Variants in EDC4 observed in about 807,000 individuals in gnomAD.
EDC4 encodes enhancer of mRNA decapping 4.
A neutral mutation model predicts 155.8 loss-of-function variants in EDC4; 64 were observed. The ratio of observed to expected loss-of-function variants is 0.41; its 90% confidence interval spans 0.34 to 0.51. The LOEUF (loss-of-function observed/expected upper bound fraction) is 0.51. Ranked by LOEUF, EDC4 falls within the 20% of genes least tolerant of loss-of-function variation. The probability of loss-of-function intolerance (pLI) is 0.19; values close to 1 mark genes in which losing one functional copy is unlikely to be tolerated. For missense variants in EDC4, 1,303 were observed against 1,812.5 expected (o/e 0.72, Z 5.10); for synonymous variants, 684 against 716.8 (o/e 0.95, Z 0.73).
In EDC4 at chr16:67,882,246, A is replaced by G. The variant is rs1194061202; in HGVS notation, c.3195A>G (p.Gln1065=). The change falls in exon 24 of 29, where the codon CAA becomes CAG. Residue 1065 remains glutamine, a synonymous_variant. Transcript: ENST00000358933. This position sits in a 1 kb window ranked among gnomAD's most constrained non-coding sequence, Gnocchi z 7.2. ...GGAGTCTGGAGCCTATGGCAGGCCA[A>G]CTGAGCAACTCAGTGGCTACCAAGC... is the stretch of plus-strand genomic sequence containing the variant. ...VSRSLEPMAG[Q]LSNSVATKLT... is the part of the protein sequence containing the mutation. 5.0e-6 allele frequency: 8 copies of G among 1,613,694 alleles called. No homozygotes were observed. Among genetic ancestry groups the G allele is most frequent in the Middle Eastern group, 1.6e-4 (1 of 6,062 alleles).
intron 1 of EDC4, among the ~76,000 whole-genome samples, chr16:67,873,845 C>T (rs1293422944): frequency 6.6e-6 from 1 of 152,138 alleles, no homozygotes; most frequent in Non-Finnish European, 1.5e-5. Context: ...GTCTCAATTC[C>T]GTGTTCTTTC....
Position 67,883,251 on chromosome 16 carries a change from A to G in EDC4, c.3849+74A>G. 6.7e-7 allele frequency: 1 copy of G among 1,483,206 alleles called. No homozygotes were observed. Among genetic ancestry groups the G allele is most frequent in the South Asian group, 1.3e-5 (1 of 75,936 alleles). 91.9% of individuals were successfully genotyped at this position (1,483,206 alleles called of 1,614,324 possible). A position where few individuals can be genotyped will look rare whatever the true frequency, so the allele number is the denominator to read the frequency against. On this transcript the variant is annotated intron_variant, in intron 27 of 28. Coordinates refer to ENST00000358933, the MANE Select transcript of EDC4 (RefSeq NM_014329.5). This position sits in a 1 kb window ranked among gnomAD's most constrained non-coding sequence, Gnocchi z 5.3. ...GCCCACATACCATACATTCTACTCC[A>G]CCCACCACCTTTGCACCTTCTGGCC...
Position 67,881,135 on chromosome 16 carries a change from A to T in EDC4, c.2591A>T (p.His864Leu). Reference sequence around the variant, plus strand: ...CTGGCCTTCCACCGACCACCATATCACCTGCTGCAGCAACGTGACAGCCAG... The same window carrying T: ...CTGGCCTTCCACCGACCACCATATCTCCTGCTGCAGCAACGTGACAGCCAG... ...KSLAFHRPPY[H>L]LLQQRDSQDA... The change falls in exon 19 of 29, where the codon CAC becomes CTC. Residue 864 changes from histidine to leucine, a missense_variant. Physicochemically the swap from His to Leu is moderately conservative, Grantham distance 99. Transcript: ENST00000358933. The surrounding 1 kb of genome is among the most constrained non-coding windows in gnomAD (Gnocchi z 5.4). 1 of 1,614,014 alleles carries T rather than the reference A, an allele frequency of 6.2e-7. No homozygotes were observed. Among genetic ancestry groups the T allele is most frequent in the East Asian group, 2.2e-5 (1 of 44,870 alleles).
rs754997328 is a variant in EDC4, at chr16:67,879,433, C to A, written c.1563C>A (p.Ile521=). 6.2e-7 allele frequency: 1 copy of A among 1,614,200 alleles called. No individual in the cohort carries two copies. Among genetic ancestry groups the A allele is most frequent in the Admixed American group, 1.7e-5 (1 of 60,020 alleles). ...VHTKALQDVQ[I]RFQPQLNPDV... is the part of the protein sequence containing the mutation. ...GCAGGGCACTGCAAGATGTGCAGATCCGCTTCCAGCCACAGCTGAACCCTG... is the reference window on the plus strand; with the variant it reads ...GCAGGGCACTGCAAGATGTGCAGATACGCTTCCAGCCACAGCTGAACCCTG... The change falls in exon 14 of 29, where the codon ATC becomes ATA. Residue 521 remains isoleucine (I), a synonymous_variant. Coordinates refer to ENST00000358933, the MANE Select transcript of EDC4 (RefSeq NM_014329.5). This position sits in a 1 kb window ranked among gnomAD's most constrained non-coding sequence, Gnocchi z 6.0.
chr16:67,874,961 T>C (rs1208888039), intron 1 of EDC4, among the ~76,000 whole-genome samples: 4 of 152,142 alleles, frequency 2.6e-5, no homozygotes, highest in Non-Finnish European at 1.5e-5. Flanking sequence ...TGAGCTGTAA[T>C]CCCAGCTACT....
Position 67,881,659 on chromosome 16 carries a change from T to C in EDC4, c.2827-9T>C. 1.2e-6 allele frequency: 2 copies of C among 1,611,264 alleles called. No homozygotes were observed. The highest frequency in any genetic ancestry group is 1.3e-5 in the African/African-American group (1 of 74,982). On this transcript the variant is annotated splice_polypyrimidine_tract_variant and intron_variant, in intron 21 of 28. Coordinates refer to ENST00000358933, the MANE Select transcript of EDC4 (RefSeq NM_014329.5). The surrounding 1 kb of genome is among the most constrained non-coding windows in gnomAD (Gnocchi z 5.4). ...GCAGGCATCGTGTGACTGTCAGTGCTACTGACAGGTGGCAGAGCCCCCTGA... is the reference window on the plus strand; with the variant it reads ...GCAGGCATCGTGTGACTGTCAGTGCCACTGACAGGTGGCAGAGCCCCCTGA...
In EDC4 at chr16:67,876,928, A is replaced by G. The variant is rs771963310; in HGVS notation, c.407A>G (p.Asn136Ser). The G allele has an allele frequency of 1.9e-6, 3 of 1,614,244 alleles. No homozygotes were observed. Among genetic ancestry groups the G allele is most frequent in the South Asian group, 1.1e-5 (1 of 91,090 alleles). Residue 136 changes from asparagine (N) to serine (S), a missense_variant, in exon 4 of 29, where the codon AAC (asparagine) becomes AGC (serine). Physicochemically the swap from Asn to Ser is conservative, Grantham distance 46. Transcript: ENST00000358933. This position sits in a 1 kb window ranked among gnomAD's most constrained non-coding sequence, Gnocchi z 5.8. ...TGGGAACAGAAGTACTACTATGGCAACCTGATTGCTGTGTCTAACTCCTTC... is the reference window on the plus strand; with the variant it reads ...TGGGAACAGAAGTACTACTATGGCAGCCTGATTGCTGTGTCTAACTCCTTC... ...YDWEQKYYYGNLIAVSNSFLA... is the reference protein window; with the variant it reads ...YDWEQKYYYGSLIAVSNSFLA...
rs1378446178 is a variant in EDC4, at chr16:67,878,522, T to C, written c.1089-14T>C. 1.2e-6 allele frequency: 2 copies of C among 1,614,222 alleles called. No homozygotes were observed. Among genetic ancestry groups the C allele is most frequent in the Admixed American group, 3.3e-5 (2 of 60,028 alleles). On this transcript the variant is annotated splice_polypyrimidine_tract_variant and intron_variant, in intron 9 of 28. Coordinates refer to ENST00000358933, the MANE Select transcript of EDC4 (RefSeq NM_014329.5). This position sits in a 1 kb window ranked among gnomAD's most constrained non-coding sequence, Gnocchi z 5.2. ...GGGCCCCAGCCAGTCACTCACTGCC[T>C]TGTTGCCTTGCAGTGTCCCTTTCTG...
rs1394516928 is a variant in EDC4 at position 67,880,563 on chromosome 16, A to G, written c.2104A>G (p.Thr702Ala). The G allele has an allele frequency of 6.2e-7, 1 of 1,612,612 alleles. No individual in the cohort carries two copies. The highest frequency in any genetic ancestry group is 1.3e-5 in the African/African-American group (1 of 74,810). The change falls in exon 18 of 29, where the codon ACT becomes GCT. Residue 702 changes from threonine to alanine, a missense_variant. Transcript: ENST00000358933. This position sits in a 1 kb window ranked among gnomAD's most constrained non-coding sequence, Gnocchi z 5.2. Reference protein sequence around the residue: ...LTPKGPGQVPTATSALSLELQ... With the variant: ...LTPKGPGQVPAATSALSLELQ... ...CATCTTTGGCCCACCTCAGGTGCCT[A>G]CTGCCACCTCTGCACTGTCCCTGGA...
In EDC4 at chr16:67,878,342, T is replaced by C. The variant is rs149602353; in HGVS notation, c.1005-18T>C. ...CCACCCGACCACTCACTCAGGCCCCTCATCTGCCTACCTGCAGGTGTCTGC... is the reference window on the plus strand; with the variant it reads ...CCACCCGACCACTCACTCAGGCCCCCCATCTGCCTACCTGCAGGTGTCTGC... On this transcript the variant is annotated intron_variant, in intron 8 of 28. Coordinates refer to ENST00000358933, the MANE Select transcript of EDC4 (RefSeq NM_014329.5). This position sits in a 1 kb window ranked among gnomAD's most constrained non-coding sequence, Gnocchi z 5.2. The C allele has an allele frequency of 2.0e-5, 32 of 1,614,048 alleles. No homozygotes were observed. Among genetic ancestry groups the C allele is most frequent in the Non-Finnish European group, 2.5e-5 (29 of 1,180,040 alleles).
rs772106104 is a variant in EDC4, at chr16:67,878,378, A to G, written c.1023A>G (p.Lys341=). Residue 341 remains lysine (K), a synonymous_variant, in exon 9 of 29, where the codon AAA becomes AAG. Transcript: ENST00000358933. This position sits in a 1 kb window ranked among gnomAD's most constrained non-coding sequence, Gnocchi z 5.2. ...CCTGCAGGTGTCTGCACGAGTGGAA[A>G]CCTCATGATGGGCGGCCCCTCTCCT... ...QDEPRCLHEW[K]PHDGRPLSCL... 1.7e-5 allele frequency: 27 copies of G among 1,614,032 alleles called. No homozygotes were observed. The highest frequency in any genetic ancestry group is 1.6e-4 in the Middle Eastern group (1 of 6,084).
Position 67,883,285 on chromosome 16 carries a change from C to A in EDC4, c.3849+108C>A. The A allele has an allele frequency of 6.9e-7, 1 of 1,454,240 alleles. No homozygotes were observed. The highest frequency in any genetic ancestry group is 9.1e-7 in the Non-Finnish European group (1 of 1,099,260). The allele number at this position is 1,454,240 out of a possible 1,614,324, so 90.1% of individuals were successfully genotyped here. A position where few individuals can be genotyped will look rare whatever the true frequency, so the allele number is the denominator to read the frequency against. On this transcript the variant is annotated intron_variant, in intron 27 of 28. Transcript: ENST00000358933. This position sits in a 1 kb window ranked among gnomAD's most constrained non-coding sequence, Gnocchi z 5.3. ...CTTTGCACCTTCTGGCCCCAGCAGA[C>A]TGTTCTTGGTTCCCTTTGGCCTCCA... is the stretch of plus-strand genomic sequence containing the variant.
In EDC4 at chr16:67,876,185, G is replaced by C. The variant is rs2058040612; in HGVS notation, c.239+84G>C. On this transcript the variant is annotated intron_variant, in intron 2 of 28. Transcript: ENST00000358933. This position sits in a 1 kb window ranked among gnomAD's most constrained non-coding sequence, Gnocchi z 5.8. ...AAGGCATGAGATGGGGAGTGAGCGG[G>C]GCCAGCAGCCTCTGCTGCTTCCTCT... 1 of 1,436,824 alleles carries C rather than the reference G, an allele frequency of 7.0e-7. No homozygotes were observed. The highest frequency in any genetic ancestry group is 1.4e-5 in the African/African-American group (1 of 71,368). 89.0% of individuals were successfully genotyped at this position (1,436,824 alleles called of 1,614,324 possible).
rs758935541 is a variant in EDC4 at position 67,883,705 on chromosome 16, T to G, written c.3987T>G (p.Leu1329=). The change falls in exon 28 of 29, where the codon CTT becomes CTG. Residue 1329 remains leucine (L), a synonymous_variant. Coordinates refer to ENST00000358933, the MANE Select transcript of EDC4 (RefSeq NM_014329.5). This position sits in a 1 kb window ranked among gnomAD's most constrained non-coding sequence, Gnocchi z 5.3. ...LSLIQQLASD[L]GTRTDLKLSY... is the part of the protein sequence containing the mutation. ...TCATCCAGCAGCTGGCATCTGACCT[T>G]GGCACTCGAACTGACCTCAAGCTCA... The G allele has an allele frequency of 1.9e-6, 3 of 1,614,086 alleles. No homozygotes were observed. Among genetic ancestry groups the G allele is most frequent in the Non-Finnish European group, 2.5e-6 (3 of 1,180,018 alleles).
chr16:67,874,327 A>G (rs1016715294), intron 1 of EDC4, among the ~76,000 whole-genome samples: 2 of 152,144 alleles, frequency 1.3e-5, no homozygotes, highest in Admixed American at 6.5e-5. Flanking sequence ...TCTTGTTCTT[A>G]CACCTGCTGG....
rs767759252 is a variant in EDC4 at position 67,878,870 on chromosome 16, T to G, written c.1287+31T>G. On this transcript the variant is annotated intron_variant, in intron 11 of 28. Transcript: ENST00000358933. This position sits in a 1 kb window ranked among gnomAD's most constrained non-coding sequence, Gnocchi z 5.2. ...CTGCCATGGGGTACCCTGGGCAGAG[T>G]TGGGATTATAGAGGAAGGCCGGGGG... The G allele has an allele frequency of 1.2e-6, 2 of 1,611,578 alleles. No individual in the cohort carries two copies. The highest frequency in any genetic ancestry group is 8.5e-7 in the Non-Finnish European group (1 of 1,179,898).
rs753255373 is a variant in EDC4, at chr16:67,884,184, C to CT, written c.*37dup. The CT allele has an allele frequency of 3.7e-5, 58 of 1,555,940 alleles. No homozygotes were observed. The highest frequency in any genetic ancestry group is 5.1e-5 in the Non-Finnish European group (58 of 1,147,356). ...TGCCTTGCCCAGGGGTGGGATGGCA[C>CT]TGAAGGCCAGCAGACAGGCCTAGGC... On this transcript the variant is annotated 3_prime_UTR_variant, in exon 29 of 29. Transcript: ENST00000358933. This position sits in a 1 kb window ranked among gnomAD's most constrained non-coding sequence, Gnocchi z 4.1.
Position 67,876,372 on chromosome 16 carries a change from AGC to A in EDC4, c.240-115_240-114del. ...GGTCTGGGGCCAGTGGACCAGGCGA[AGC>A]TGACATTGGACTAGATACCTTCCCC... On this transcript the variant is annotated intron_variant, in intron 2 of 28. Coordinates refer to ENST00000358933, the MANE Select transcript of EDC4 (RefSeq NM_014329.5). The surrounding 1 kb of genome is among the most constrained non-coding windows in gnomAD (Gnocchi z 5.8). 6.8e-7 allele frequency: 1 copy of A among 1,471,042 alleles called. No individual in the cohort carries two copies. Among genetic ancestry groups the A allele is most frequent in the Non-Finnish European group, 9.1e-7 (1 of 1,103,576 alleles). The allele number at this position is 1,471,042 out of a possible 1,614,324, so 91.1% of individuals were successfully genotyped here.
chr16:67,883,635 T>C lies in EDC4; in HGVS notation c.3917T>C (p.Phe1306Ser). 6.2e-7 allele frequency: 1 copy of C among 1,614,172 alleles called. No individual in the cohort carries two copies. The highest frequency in any genetic ancestry group is 8.5e-7 in the Non-Finnish European group (1 of 1,180,022). Reference protein sequence around the residue: ...VCETVDPAQVFGQPPCPLSQP... With the variant: ...VCETVDPAQVSGQPPCPLSQP... ...GAAACTGTGGACCCAGCCCAGGTTTTTGGGCAGCCACCCTGCCCGCTCTCC... is the reference window on the plus strand; with the variant it reads ...GAAACTGTGGACCCAGCCCAGGTTTCTGGGCAGCCACCCTGCCCGCTCTCC... Residue 1306 changes from phenylalanine (F) to serine (S), a missense_variant, in exon 28 of 29, where the codon TTT becomes TCT. By Grantham distance (155) the Phe-to-Ser change is radical. Transcript: ENST00000358933. This position sits in a 1 kb window ranked among gnomAD's most constrained non-coding sequence, Gnocchi z 5.3.
Sources: gnomAD v4.1 joint callset for allele counts (sites outside exome capture counted in the v4.1 genomes callset) on GRCh38, gnomAD v4.1.1 for gene constraint, Gnocchi (gnomAD v3.1) non-coding constraint, MANE v1.5 for transcripts, NCBI Gene and HGNC (gene_info 2026-07-23, HGNC 2026-07-21) for gene names.